Variants in ITGA9 observed in about 807,000 individuals in gnomAD.
The protein encoded by ITGA9 is integrin alpha-9.
ITGA9 carries 56 observed loss-of-function variants against 127.8 expected under a neutral mutation model. The ratio of observed to expected loss-of-function variants is 0.44; its 90% CI spans 0.35 to 0.55. The LOEUF is 0.55. Ranked by LOEUF, ITGA9 falls within the 20% of genes least tolerant of loss-of-function variation. The pLI is 0.00. For missense variants in ITGA9, 1,196 were observed against 1,347.1 expected, an observed-to-expected ratio of 0.89 and a Z score of 1.76; for synonymous variants, 508 against 514.5, an observed-to-expected ratio of 0.99 and a Z score of 0.17.
chr3:37,533,109 C>A (rs1699173166), intron 13 of ITGA9, among the ~76,000 whole-genome samples: 1 of 152,190 alleles, frequency 6.6e-6, no homozygotes, highest in Non-Finnish European at 1.5e-5. Context: ...GGGACGCTAA[C>A]TATTAATTTA....
chr3:37,650,213 A>G (rs1238763423), intron 16 of ITGA9, among the ~76,000 whole-genome samples: 3 of 152,188 alleles, frequency 2.0e-5, no homozygotes, highest in African/African-American at 7.2e-5. Flanking sequence ...CTAGTCTCAG[A>G]AGTCACATAG....
intron 1 of ITGA9, among the ~76,000 whole-genome samples, chr3:37,456,607 T>A (rs1046199144): frequency 1.3e-5 from 2 of 152,186 alleles, no homozygotes; most frequent in Non-Finnish European, 2.9e-5. Context: ...TCTGGAGACG[T>A]GCTTCCTGCT....
chr3:37,812,009 G>A (rs1026550658), intron 27 of ITGA9, among the ~76,000 whole-genome samples: 1 of 152,212 alleles, frequency 6.6e-6, no homozygotes, highest in African/African-American at 2.4e-5. Context: ...GAATGTGTAA[G>A]GTTTGGCAAC....
At chr3:37,481,002 C>G (rs1698546169) in intron 3 of ITGA9, among the ~76,000 whole-genome samples, 1 of 152,206 alleles carries the variant, frequency 6.6e-6, no homozygotes, top group Admixed American at 6.5e-5. Flanking sequence ...GTGGTCCAAC[C>G]TTGGCCGCCT....
At chr3:37,759,959 G>T (rs1696703982) in intron 23 of ITGA9, among the ~76,000 whole-genome samples, 1 of 151,996 alleles carries the variant, frequency 6.6e-6, no homozygotes. Flanking sequence ...GGGCACGGTG[G>T]CTCATGCCTG....
chr3:37,489,293 A>G (rs1016045858), intron 4 of ITGA9, among the ~76,000 whole-genome samples: 2 of 152,258 alleles, frequency 1.3e-5, no homozygotes, highest in African/African-American at 2.4e-5. Flanking sequence ...TTTGTGAAGC[A>G]TAAGGGAGTG....
At chr3:37,554,165 CT>C (rs1029564220) in intron 15 of ITGA9, among the ~76,000 whole-genome samples, 1 of 151,736 alleles carries the variant, frequency 6.6e-6, no homozygotes, top group Admixed American at 6.6e-5. Flanking sequence ...GGCGATGAGG[CT>C]ATGGAAAAAA....
intron 6 of ITGA9, 130 bp from the exon 7 acceptor site, chr3:37,505,870 A>G (rs1344861001): frequency 2.7e-6 from 2 of 745,942 alleles, no homozygotes; most frequent in Non-Finnish European, 4.7e-6. Flanking sequence ...GACAGCTGCC[A>G]TTTTTTTCCT....
At chr3:37,499,393 C>T (rs541258649) in intron 5 of ITGA9, among the ~76,000 whole-genome samples, 1 of 152,202 alleles carries the variant, frequency 6.6e-6, no homozygotes, top group Non-Finnish European at 1.5e-5. Context: ...CTACATACCC[C>T]GGTTCCTCTA....
At chr3:37,771,504 G>A (rs1249888916) in intron 23 of ITGA9, among the ~76,000 whole-genome samples, 1 of 152,186 alleles carries the variant, frequency 6.6e-6, no homozygotes, top group Admixed American at 6.5e-5. Flanking sequence ...GACCCAAACT[G>A]GCACGGCTGT....
intron 6 of ITGA9, among the ~76,000 whole-genome samples, chr3:37,504,589 G>A (rs1184673654): frequency 2.0e-5 from 3 of 152,186 alleles, no homozygotes; most frequent in African/African-American, 7.2e-5. Context: ...CATATTTATT[G>A]AATCAGGGAA....
intron 15 of ITGA9, chr3:37,585,494 A>G (rs1699749189): frequency 2.2e-6 from 1 of 450,638 alleles, no homozygotes; most frequent in African/African-American, 2.1e-5. Context: ...ATAAGGTTTT[A>G]CTTTTCTTCT....
intron 15 of ITGA9, among the ~76,000 whole-genome samples, chr3:37,613,448 A>G (rs1276141137): frequency 2.6e-5 from 4 of 152,100 alleles, no homozygotes; most frequent in Non-Finnish European, 4.4e-5. Flanking sequence ...CTTTATAGCA[A>G]CATGATTTAT....
chr3:37,664,595 T>C (rs1700567821), intron 17 of ITGA9, among the ~76,000 whole-genome samples: 1 of 151,270 alleles, frequency 6.6e-6, no homozygotes. Flanking sequence ...TAATTTTCTA[T>C]TTTTAGTAAA....
At chr3:37,623,689 GTC>G (rs1298465143) in intron 15 of ITGA9, among the ~76,000 whole-genome samples, 12 of 88,724 alleles carry the variant, frequency 1.4e-4, no homozygotes, top group Admixed American at 3.9e-4. Flanking sequence ...GTGTGTGTGT[GTC>G]TGTGTGTGTG....
chr3:37,791,686 C>T (rs1453172457), intron 26 of ITGA9, among the ~76,000 whole-genome samples: 3 of 152,324 alleles, frequency 2.0e-5, no homozygotes, highest in Non-Finnish European at 2.9e-5. Context: ...AGGGCTGGTG[C>T]ATAGCTGCTG....
At chr3:37,538,103 G>A (rs1699228893) in intron 14 of ITGA9, among the ~76,000 whole-genome samples, 1 of 152,256 alleles carries the variant, frequency 6.6e-6, no homozygotes, top group Non-Finnish European at 1.5e-5. Flanking sequence ...TCACCAGAGT[G>A]TGAAACGAAA....
intron 1 of ITGA9, among the ~76,000 whole-genome samples, chr3:37,466,879 CAT>C (rs1250791612): frequency 1.3e-5 from 2 of 152,196 alleles, no homozygotes; most frequent in Non-Finnish European, 2.9e-5. Context: ...CAGAAAGGAA[CAT>C]AGTCTTGTTG....
At chr3:37,494,681 C>G in intron 5 of ITGA9, 113 bp downstream of exon 5, 1 of 841,514 alleles carries the variant, frequency 1.2e-6, no homozygotes, top group South Asian at 1.4e-5. Context: ...ATACTTGAGC[C>G]TCGAGGGAGC....
Sources: allele counts gnomAD v4.1 joint callset (sites outside exome capture counted in the v4.1 genomes callset), GRCh38; gene constraint gnomAD v4.1.1; transcripts MANE v1.5; gene names NCBI Gene and HGNC (gene_info 2026-07-23, HGNC 2026-07-21).